Variants in IL1RAPL2 observed in about 807,000 individuals in gnomAD.
IL1RAPL2 encodes the protein X-linked interleukin-1 receptor accessory protein-like 2.
Under a neutral mutation model 44.1 loss-of-function variants are expected in IL1RAPL2, and 3 were observed. The observed-to-expected ratio is 0.07, with a 90% confidence interval of 0.03 to 0.18. The LOEUF is 0.18. IL1RAPL2 is among the 10% of genes least tolerant of loss of function. The probability of loss-of-function intolerance (pLI) is 1.00; values close to 1 mark genes in which losing one functional copy is unlikely to be tolerated. For synonymous variants in IL1RAPL2, 181 were observed against 178.8 expected, an observed-to-expected ratio of 1.01 and a Z score of -0.10; for missense variants, 391 against 496.4, an observed-to-expected ratio of 0.79 and a Z score of 2.02.
At chrX:105,116,226 A>G (rs781463403) in intron 2 of IL1RAPL2, among the ~76,000 whole-genome samples, 1 of 112,728 alleles carries the variant, frequency 8.9e-6, no homozygotes, top group East Asian at 2.8e-4. Context: ...GGAGGCACCG[A>G]GAGTGAGCAA....
intron 2 of IL1RAPL2, among the ~76,000 whole-genome samples, chrX:105,005,300 G>A (rs2030922126): frequency 9.0e-6 from 1 of 111,170 alleles, no homozygotes; most frequent in African/African-American, 3.3e-5. Context: ...ATATTGATCT[G>A]AAATAGCCAG....
chrX:105,075,809 G>T (rs1031272191), intron 2 of IL1RAPL2, among the ~76,000 whole-genome samples: 14 of 111,949 alleles, frequency 1.3e-4, no homozygotes, highest in Non-Finnish European at 1.9e-4. Context: ...ATTTCTTGTA[G>T]ATTTTCTAGT....
chrX:105,089,478 C>A (rs2032516031), intron 2 of IL1RAPL2, among the ~76,000 whole-genome samples: 1 of 110,736 alleles, frequency 9.0e-6, no homozygotes, highest in Admixed American at 9.7e-5. Context: ...CTCTGTAGCC[C>A]AGGGTCTTCT....
intron 5 of IL1RAPL2, among the ~76,000 whole-genome samples, chrX:105,370,147 T>C (rs1257872709): frequency 8.9e-6 from 1 of 112,153 alleles, no homozygotes; most frequent in African/African-American, 3.2e-5. Context: ...CATTTAATTA[T>C]ATTGCCAGCC....
chrX:104,816,527 A>G (rs1921140247), intron 2 of IL1RAPL2, among the ~76,000 whole-genome samples: 1 of 112,317 alleles, frequency 8.9e-6, no homozygotes, highest in African/African-American at 3.2e-5. Flanking sequence ...ACTTAAAAAG[A>G]AGCATGGCTT....
intron 2 of IL1RAPL2, among the ~76,000 whole-genome samples, chrX:105,028,974 T>C (rs145268557): frequency 1.9e-3 from 210 of 110,052 alleles, no homozygotes; most frequent in African/African-American, 6.4e-3. Context: ...TTTTCATTCT[T>C]GTACTTGGTC....
intron 6 of IL1RAPL2, among the ~76,000 whole-genome samples, chrX:105,512,251 G>A (rs1206778231): frequency 9.0e-6 from 1 of 111,552 alleles, no homozygotes; most frequent in African/African-American, 3.3e-5. Context: ...TTGAACTCTG[G>A]TCAGTGGTGA....
chrX:104,900,262 C>T lies in IL1RAPL2; in HGVS notation c.82+241267C>T, dbSNP rs767095308. On this transcript the variant is annotated intron_variant, in intron 2 of 10. Transcript: ENST00000372582. ...TTGTATTTTGTACATATCAAAAGAGCTCTTTGTCATTTAAACATATTGTTT... is the reference window on the plus strand; with the variant it reads ...TTGTATTTTGTACATATCAAAAGAGTTCTTTGTCATTTAAACATATTGTTT... Among the ~76,000 whole-genome samples, 21 of 111,523 alleles carry T rather than the reference C, an allele frequency of 1.9e-4. No individual in the cohort carries two copies. In the South Asian group the frequency reaches 5.3e-3, roughly 28 times the overall value.
chrX:104,909,494 T>A (rs1236197141), intron 2 of IL1RAPL2, among the ~76,000 whole-genome samples: 1 of 111,810 alleles, frequency 8.9e-6, no homozygotes, highest in Non-Finnish European at 1.9e-5. Flanking sequence ...TTTGGTCTTC[T>A]ATGATGGTGA....
chrX:105,189,546 C>T (rs1406002200), intron 2 of IL1RAPL2, among the ~76,000 whole-genome samples: 11 of 112,058 alleles, frequency 9.8e-5, no homozygotes, highest in African/African-American at 3.6e-4. Context: ...CAACTATATT[C>T]TTAAATATAA....
At chrX:105,015,200 T>A (rs891309892) in intron 2 of IL1RAPL2, among the ~76,000 whole-genome samples, 1 of 111,091 alleles carries the variant, frequency 9.0e-6, no homozygotes, top group Non-Finnish European at 1.9e-5. Context: ...ATTTGTGGGT[T>A]CTAGATATTA....
At chrX:105,301,346 T>C (rs1364638825) in intron 5 of IL1RAPL2, among the ~76,000 whole-genome samples, 2 of 111,882 alleles carry the variant, frequency 1.8e-5, no homozygotes, top group Non-Finnish European at 3.8e-5. Flanking sequence ...CAATTCATAA[T>C]AACCACATCA....
chrX:105,383,163 C>T (rs767219064), intron 5 of IL1RAPL2, among the ~76,000 whole-genome samples: 1 of 109,039 alleles, frequency 9.2e-6, no homozygotes, highest in South Asian at 4.0e-4. Flanking sequence ...AAAAAAAAAA[C>T]TATAGTTACT....
At chrX:105,539,998 G>C (rs2036708112) in intron 6 of IL1RAPL2, among the ~76,000 whole-genome samples, 1 of 110,640 alleles carries the variant, frequency 9.0e-6, no homozygotes, top group African/African-American at 3.3e-5. Flanking sequence ...ACACTAGTCA[G>C]AATGGCTATT....
chrX:104,633,052 G>T (rs1330580842), intron 1 of IL1RAPL2, among the ~76,000 whole-genome samples: 1 of 111,318 alleles, frequency 9.0e-6, no homozygotes, highest in Non-Finnish European at 1.9e-5. Context: ...TAGCATGAAG[G>T]GTTGTTGAAT....
chrX:105,293,542 C>A (rs1378540082), intron 5 of IL1RAPL2, among the ~76,000 whole-genome samples: 1 of 112,097 alleles, frequency 8.9e-6, no homozygotes, highest in Non-Finnish European at 1.9e-5. Context: ...TCCCTCAAAT[C>A]TTTTGCTGCT....
At chrX:104,904,027 A>G (rs1294782850) in intron 2 of IL1RAPL2, among the ~76,000 whole-genome samples, 1 of 111,457 alleles carries the variant, frequency 9.0e-6, no homozygotes, top group Non-Finnish European at 1.9e-5. Context: ...TGGATTGTTG[A>G]GTCCAAGGAG....
chrX:105,220,416 C>T (rs373094370), intron 3 of IL1RAPL2: 19 of 1,155,921 alleles, frequency 1.6e-5, no homozygotes, highest in African/African-American at 1.4e-4. Flanking sequence ...AGGGGTTTAA[C>T]GGTTTCACTA....
At chrX:105,735,989 A>G (rs888389911) in intron 7 of IL1RAPL2, among the ~76,000 whole-genome samples, 1 of 111,858 alleles carries the variant, frequency 8.9e-6, no homozygotes, top group African/African-American at 3.2e-5. Context: ...AAACTATACT[A>G]CAAGAATATA....
Sources: gnomAD v4.1 joint callset for allele counts (sites outside exome capture counted in the v4.1 genomes callset) on GRCh38, gnomAD v4.1.1 for gene constraint, MANE v1.5 for transcripts, NCBI Gene and HGNC (gene_info 2026-07-23, HGNC 2026-07-21) for gene names.